Variants in RFTN1 observed in about 807,000 individuals in gnomAD.
RFTN1 encodes the protein raftlin.
A neutral mutation model predicts 46.5 loss-of-function variants in RFTN1; 26 were observed. That is an observed-to-expected ratio of 0.56 (90% CI 0.41 to 0.78). The LOEUF (loss-of-function observed/expected upper bound fraction) is 0.78. Among genes scored for constraint, RFTN1 ranks in the 30% least tolerant of loss-of-function variants. The probability of loss-of-function intolerance (pLI) is 0.00; values close to 1 mark genes in which losing one functional copy is unlikely to be tolerated. For synonymous variants in RFTN1, 261 were observed against 284.2 expected, an observed-to-expected ratio of 0.92 and a Z score of 0.82; for missense variants, 693 against 718.7, an observed-to-expected ratio of 0.96 and a Z score of 0.41.
At chr3:16,496,943 C>G (rs763256292) in intron 1 of RFTN1, among the ~76,000 whole-genome samples, 8 of 152,182 alleles carry the variant, frequency 5.3e-5, no homozygotes, top group Non-Finnish European at 1.0e-4. Flanking sequence ...TCTCAAAAAT[C>G]AAAAAGGAGT....
Position 16,361,052 on chromosome 3 carries a change from A to G in RFTN1, c.1031-3005T>C, listed in dbSNP as rs690014. On this transcript the variant is annotated intron_variant, in intron 6 of 9. Coordinates refer to ENST00000334133, the MANE Select transcript of RFTN1 (RefSeq NM_015150.2). This position sits in a 1 kb window ranked among gnomAD's most constrained non-coding sequence, Gnocchi z 4.3. ...ATTAACAAGTTAATACAGGTATAAC[A>G]CAAGTAAATGGACAACACAAATGAC... Among the ~76,000 whole-genome samples, 55,019 of 152,140 alleles carry G rather than the reference A, an allele frequency of 0.36. 10,561 individuals carry two copies. Among genetic ancestry groups the G allele is most frequent in the Non-Finnish European group, 0.44 (29,998 of 67,982 alleles).
chr3:16,367,768 G>A (rs146174413), intron 6 of RFTN1, among the ~76,000 whole-genome samples: 5 of 152,302 alleles, frequency 3.3e-5, no homozygotes, highest in African/African-American at 9.6e-5. Context: ...AAGTAGAGGA[G>A]GCTAACTCAG....
chr3:16,377,499 T>A (rs768489456), intron 5 of RFTN1, among the ~76,000 whole-genome samples: 243 of 152,182 alleles, frequency 1.6e-3, no homozygotes, highest in Non-Finnish European at 9.3e-4. Flanking sequence ...AAACTGCAAG[T>A]CAATTTCATG....
At position 16,323,484 on chromosome 3, in the gene RFTN1, C is replaced by T. The variant is rs372038226; in HGVS notation, c.1251-27G>A. On this transcript the variant is annotated intron_variant, in intron 8 of 9. Coordinates refer to ENST00000334133, the MANE Select transcript of RFTN1 (RefSeq NM_015150.2). ...TGTAACACACGGAGCTGAGAATGAG[C>T]CACTTTATGCCTTAGAGGAACCCAA... 8.7e-5 allele frequency: 136 copies of T among 1,562,128 alleles called. No individual in the cohort carries two copies. In the African/African-American group the frequency reaches 1.7e-3, roughly 20 times the overall value.
At chr3:16,486,261 A>G (rs2076444908) in intron 2 of RFTN1, among the ~76,000 whole-genome samples, 2 of 149,720 alleles carry the variant, frequency 1.3e-5, no homozygotes, top group Non-Finnish European at 3.0e-5. Context: ...CTCCCCCAGC[A>G]TTGCCCCTTC....
chr3:16,454,721 C>T (rs948358215), intron 2 of RFTN1: 2 of 980,324 alleles, frequency 2.0e-6, no homozygotes, highest in Non-Finnish European at 2.4e-6. Flanking sequence ...GAAGAGACTT[C>T]TTCAACCTAT....
rs1490162890 is a variant in RFTN1 at position 16,448,296 on chromosome 3, T to C, written c.146-14259A>G. Among the ~76,000 whole-genome samples, 1 of 152,236 alleles carries C rather than the reference T, an allele frequency of 6.6e-6. No homozygotes were observed. Among genetic ancestry groups the C allele is most frequent in the East Asian group, 1.9e-4 (1 of 5,202 alleles). The stretch of plus-strand genomic sequence containing the variant: ...ATGGCATTCACAAGTCATATTGTAT[T>C]TCTATTGGACTGCTCTGTCCTAGAA... On this transcript the variant is annotated intron_variant, in intron 2 of 9. Coordinates refer to ENST00000334133, the MANE Select transcript of RFTN1 (RefSeq NM_015150.2). The surrounding 1 kb of genome is among the most constrained non-coding windows in gnomAD (Gnocchi z 4.1).
Position 16,357,125 on chromosome 3 carries a change from AAAAC to A in RFTN1, c.1146+803_1146+806del, listed in dbSNP as rs1418946002. Among the ~76,000 whole-genome samples the A allele has an allele frequency of 3.3e-3, 277 of 83,442 alleles. 1 individual carries two copies. Among genetic ancestry groups the A allele is most frequent in the African/African-American group, 0.015 (265 of 17,576 alleles). 54.7% of individuals were successfully genotyped at this position (83,442 alleles called of 152,430 possible). A position where few individuals can be genotyped will look rare whatever the true frequency, so the allele number is the denominator to read the frequency against. ...GCAAGATGCCATCTCAAAAAAAAAA[AAAAC>A]AAAAAAACAAACAAACAAACAAACA... On this transcript the variant is annotated intron_variant, in intron 7 of 9. Coordinates refer to ENST00000334133, the MANE Select transcript of RFTN1 (RefSeq NM_015150.2).
chr3:16,478,570 C>T (rs1256607630), intron 2 of RFTN1, among the ~76,000 whole-genome samples: 1 of 152,210 alleles, frequency 6.6e-6, no homozygotes, highest in Non-Finnish European at 1.5e-5. Context: ...CATTTATTTT[C>T]TCACAGTTTC....
Position 16,336,851 on chromosome 3 carries a change from G to A in RFTN1, c.1147-9975C>T, listed in dbSNP as rs2070900717. On this transcript the variant is annotated intron_variant, in intron 7 of 9. Coordinates refer to ENST00000334133, the MANE Select transcript of RFTN1 (RefSeq NM_015150.2). This position sits in a 1 kb window ranked among gnomAD's most constrained non-coding sequence, Gnocchi z 6.0. ...CTCAGTAGCCTTTTAGGAGCTCAAC[G>A]AAATAAAAAATAATAATTGTTATTA... 6.6e-6 allele frequency among the ~76,000 whole-genome samples: 1 copy of A among 152,038 alleles called. No individual in the cohort carries two copies. Among genetic ancestry groups the A allele is most frequent in the Non-Finnish European group, 1.5e-5 (1 of 67,992 alleles).
intron 3 of RFTN1, among the ~76,000 whole-genome samples, chr3:16,411,551 C>T (rs2074980813): frequency 6.6e-6 from 1 of 151,994 alleles, no homozygotes; most frequent in African/African-American, 2.4e-5. Context: ...AAGAATAAAC[C>T]AATTCTGAAC....
rs1368070803 is a variant in RFTN1 at position 16,402,130 on chromosome 3, T to C, written c.441+7245A>G. On this transcript the variant is annotated intron_variant, in intron 4 of 9. Coordinates refer to ENST00000334133, the MANE Select transcript of RFTN1 (RefSeq NM_015150.2). This position sits in a 1 kb window ranked among gnomAD's most constrained non-coding sequence, Gnocchi z 4.5. ...ACCTCTCTGCCCCCAGGGCTCCTCATGCTGTGTTCTTGGTCCTTACAGATG... is the reference window on the plus strand; with the variant it reads ...ACCTCTCTGCCCCCAGGGCTCCTCACGCTGTGTTCTTGGTCCTTACAGATG... Among the ~76,000 whole-genome samples the C allele has an allele frequency of 6.6e-6, 1 of 152,228 alleles. No homozygotes were observed. Among genetic ancestry groups the C allele is most frequent in the Non-Finnish European group, 1.5e-5 (1 of 68,040 alleles).
Position 16,361,718 on chromosome 3 carries a change from C to T in RFTN1, c.1031-3671G>A, listed in dbSNP as rs1419721412. Among the ~76,000 whole-genome samples the T allele has an allele frequency of 6.6e-6, 1 of 152,164 alleles. No individual in the cohort carries two copies. The highest frequency in any genetic ancestry group is 6.5e-5 in the Admixed American group (1 of 15,270). On this transcript the variant is annotated intron_variant, in intron 6 of 9. Transcript: ENST00000334133. The surrounding 1 kb of genome is among the most constrained non-coding windows in gnomAD (Gnocchi z 4.3). ...GAGGCCAGCCACTTAGGGCTCTGTT[C>T]ATCTGACTTGCTTGGCCAATGGGAT...
In RFTN1 at chr3:16,387,570, T is replaced by TCTCTCTCTCTCTCTCTCTC. The variant is rs2074222998; in HGVS notation, c.442-9469_442-9468insGAGAGAGAGAGAGAGAGAG. Among the ~76,000 whole-genome samples, 6 of 116,418 alleles carry TCTCTCTCTCTCTCTCTCTC rather than the reference T, an allele frequency of 5.2e-5. No homozygotes were observed. The highest frequency in any genetic ancestry group is 1.2e-4 in the African/African-American group (3 of 25,514). 76.4% of individuals were successfully genotyped at this position (116,418 alleles called of 152,430 possible). On this transcript the variant is annotated intron_variant, in intron 4 of 9. Transcript: ENST00000334133. This position sits in a 1 kb window ranked among gnomAD's most constrained non-coding sequence, Gnocchi z 5.2. ...CACTTCTCTCTTCTATATCCTCAAT[T>TCTCTCTCTCTCTCTCTCTC]TCTCTCTCTCTCTCTCTCTCTCTCT...
chr3:16,397,096 A>G lies in RFTN1; in HGVS notation c.441+12279T>C, dbSNP rs141186488. On this transcript the variant is annotated intron_variant, in intron 4 of 9. Coordinates refer to ENST00000334133, the MANE Select transcript of RFTN1 (RefSeq NM_015150.2). ...AAAAAAAAAAAAAAAAGAGAGAGAG[A>G]AGAAAACCTGTCAACAGATGAATGG... 2.0e-5 allele frequency among the ~76,000 whole-genome samples: 3 copies of G among 151,790 alleles called. No homozygotes were observed. In the East Asian group the frequency reaches 5.8e-4, roughly 29 times the overall value.
intron 7 of RFTN1, chr3:16,349,327 G>C (rs2071937849): frequency 6.6e-6 from 1 of 152,232 alleles, no homozygotes; most frequent in South Asian, 2.1e-4. Context: ...AGGCAACTAA[G>C]GAAAACCACT....
At position 16,329,553 on chromosome 3, in the gene RFTN1, C is replaced by T. The variant is rs1435303395; in HGVS notation, c.1147-2677G>A. ...GCCTGGCCTCTGGGCACACGCACAC[C>T]TCCCTTCCAGACCAGCACAGCCCGT... On this transcript the variant is annotated intron_variant, in intron 7 of 9. Transcript: ENST00000334133. The surrounding 1 kb of genome is among the most constrained non-coding windows in gnomAD (Gnocchi z 4.5). Among the ~76,000 whole-genome samples the T allele has an allele frequency of 6.6e-6, 1 of 152,146 alleles. No individual in the cohort carries two copies. Among genetic ancestry groups the T allele is most frequent in the Non-Finnish European group, 1.5e-5 (1 of 68,022 alleles).
At chr3:16,488,032 A>G (rs1490037004) in intron 2 of RFTN1, among the ~76,000 whole-genome samples, 1 of 151,738 alleles carries the variant, frequency 6.6e-6, no homozygotes, top group African/African-American at 2.4e-5. Flanking sequence ...TGCATGTTCC[A>G]GTATCTTCAA....
rs1357926047 is a variant in RFTN1 at position 16,474,810 on chromosome 3, C to T, written c.145+18915G>A. Among the ~76,000 whole-genome samples, 1 of 152,192 alleles carries T rather than the reference C, an allele frequency of 6.6e-6. No individual in the cohort carries two copies. On this transcript the variant is annotated intron_variant, in intron 2 of 9. Coordinates refer to ENST00000334133, the MANE Select transcript of RFTN1 (RefSeq NM_015150.2). The surrounding 1 kb of genome is among the most constrained non-coding windows in gnomAD (Gnocchi z 5.5). ...CTTGACAAGTTGGACTCTTTCGGGA[C>T]AAAGAATACAAGCTGCATCAGTTCT... is the stretch of plus-strand genomic sequence containing the variant.
Sources: allele counts gnomAD v4.1 joint callset (sites outside exome capture counted in the v4.1 genomes callset), GRCh38; gene constraint gnomAD v4.1.1; non-coding constraint Gnocchi (gnomAD v3.1); transcripts MANE v1.5; gene names NCBI Gene and HGNC (gene_info 2026-07-23, HGNC 2026-07-21).